ITPR3: variants seen among roughly 807,000 people sequenced by gnomAD.
ITPR3 encodes inositol 1,4,5-trisphosphate receptor type 3, also known as inositol 1,4,5-trisphosphate-gated calcium channel ITPR3.
Under a neutral mutation model 293.2 loss-of-function variants are expected in ITPR3, and 173 were observed. The observed-to-expected ratio is 0.59, with a 90% CI of 0.52 to 0.67. ITPR3 has a LOEUF of 0.67. ITPR3 is among the 30% of genes least tolerant of loss of function. The pLI, the probability that ITPR3 is intolerant of heterozygous loss-of-function variation, is 0.00. For missense variants in ITPR3, 2,796 were observed against 3,592.1 expected (o/e 0.78, Z 5.66); for synonymous variants, 1,295 against 1,444.4 (o/e 0.90, Z 2.35).
At position 33,623,321 on chromosome 6, in the gene ITPR3, G is replaced by GTTTTTTTTTTTTTTTTTTTTTTTTTT. The variant is rs150420581; in HGVS notation, c.89+1634_89+1635insTTTTTTTTTTTTTTTTTTTTTTTTTT. Among the ~76,000 whole-genome samples, 4 of 118,266 alleles carry GTTTTTTTTTTTTTTTTTTTTTTTTTT rather than the reference G, an allele frequency of 3.4e-5. 2 individuals carry two copies. Among genetic ancestry groups the GTTTTTTTTTTTTTTTTTTTTTTTTTT allele is most frequent in the African/African-American group, 6.4e-5 (2 of 31,166 alleles). The allele number at this position is 118,266 out of a possible 152,430, so 77.6% of individuals were successfully genotyped here. On this transcript the variant is annotated intron_variant, in intron 1 of 57. Transcript: ENST00000605930. ...CATGATGATTTTCAAGTGCCTGTGA[G>GTTTTTTTTTTTTTTTTTTTTTTTTTT]TTTTGTTTTTTTTTTTTTTTTTTAA...
rs972463442 is a variant in ITPR3 at position 33,687,489 on chromosome 6, C to T, written c.6189C>T (p.His2063=). The T allele has an allele frequency of 9.3e-6, 15 of 1,607,428 alleles. No homozygotes were observed. The highest frequency in any genetic ancestry group is 3.3e-5 in the Admixed American group (2 of 59,724). The change falls in exon 46 of 58, where the codon CAC becomes CAT. Residue 2063 remains histidine, a synonymous_variant. Transcript: ENST00000605930. The surrounding 1 kb of genome is among the most constrained non-coding windows in gnomAD (Gnocchi z 5.3). ...IYILALQLSR[H]NKQLQHLLKP... Reference sequence around the variant, plus strand: ...GCCATTTCCCTCAGCTCTCCAGGCACAATAAACAGCTGCAGCACCTGCTGA... The same window carrying T: ...GCCATTTCCCTCAGCTCTCCAGGCATAATAAACAGCTGCAGCACCTGCTGA...
chr6:33,687,120 T>C lies in ITPR3; in HGVS notation c.6075+16T>C, dbSNP rs942642. Reference sequence around the variant, plus strand: ...CCAGGAGCTGGTGAGGCTGGGCAGGTGGGCAGGCGGGCGGAACCAGGTGGA... The same window carrying C: ...CCAGGAGCTGGTGAGGCTGGGCAGGCGGGCAGGCGGGCGGAACCAGGTGGA... On this transcript the variant is annotated intron_variant, in intron 44 of 57. Transcript: ENST00000605930. This position sits in a 1 kb window ranked among gnomAD's most constrained non-coding sequence, Gnocchi z 5.3. 1,128,093 of 1,612,050 alleles carry C rather than the reference T, an allele frequency of 0.7. 399,412 individuals carry two copies. Among genetic ancestry groups the C allele is most frequent in the East Asian group, 0.95 (42,604 of 44,866 alleles).
intron 7 of ITPR3, 107 bp downstream of exon 7, chr6:33,659,656 C>G (rs370913520): frequency 1.1e-6 from 1 of 911,300 alleles, no homozygotes; most frequent in Non-Finnish European, 1.8e-6. Context: ...TTACCCTCTC[C>G]CCAGCTTTGC....
intron 1 of ITPR3, among the ~76,000 whole-genome samples, chr6:33,635,865 C>T (rs1392553807): frequency 6.6e-6 from 1 of 151,588 alleles, no homozygotes; most frequent in Non-Finnish European, 1.5e-5. Flanking sequence ...GGAGGAGATG[C>T]GATCAGAGAT....
In ITPR3 at chr6:33,679,835, G is replaced by A. The variant is rs765047825; in HGVS notation, c.3973-47G>A. On this transcript the variant is annotated intron_variant, in intron 30 of 57. Coordinates refer to ENST00000605930, the MANE Select transcript of ITPR3 (RefSeq NM_002224.4). The surrounding 1 kb of genome is among the most constrained non-coding windows in gnomAD (Gnocchi z 4.2). ...TAAGCAACGGAGAGGAGAGCCCAGG[G>A]CTTGCTGGACCGAGAGAGTGTGACA... 1.5e-5 allele frequency: 23 copies of A among 1,576,636 alleles called. No homozygotes were observed. Among genetic ancestry groups the A allele is most frequent in the Non-Finnish European group, 2.0e-5 (23 of 1,158,038 alleles).
At position 33,655,649 on chromosome 6, in the gene ITPR3, G is replaced by A. The variant is rs147568121; in HGVS notation, c.161-117G>A. 153 of 1,352,624 alleles carry A rather than the reference G, an allele frequency of 1.1e-4. No individual in the cohort carries two copies. Among genetic ancestry groups the A allele is most frequent in the African/African-American group, 9.8e-4 (68 of 69,492 alleles). 83.8% of individuals were successfully genotyped at this position (1,352,624 alleles called of 1,614,324 possible). On this transcript the variant is annotated intron_variant, in intron 2 of 57. Transcript: ENST00000605930. This position sits in a 1 kb window ranked among gnomAD's most constrained non-coding sequence, Gnocchi z 4.9. The stretch of plus-strand genomic sequence containing the variant: ...CAACCGCTTCCTCTCTACCTGCAGC[G>A]GGGAACGGGGGTGGGGAAGGGTTGG...
chr6:33,691,881 C>T lies in ITPR3; in HGVS notation c.7411C>T (p.Arg2471Cys), dbSNP rs751686443. The change falls in exon 54 of 58, where the codon CGC becomes TGC. Residue 2471 changes from arginine to cysteine, a missense_variant. By Grantham distance (180) the Arg-to-Cys change is radical (BLOSUM62 -3). Coordinates refer to ENST00000605930, the MANE Select transcript of ITPR3 (RefSeq NM_002224.4). This position sits in a 1 kb window ranked among gnomAD's most constrained non-coding sequence, Gnocchi z 4.9. ...CIVTVMNHGL[R>C]NGGGVGDILR... Reference sequence around the variant, plus strand: ...CGTCACTGTCATGAACCATGGGCTACGCAACGGTGGTGGCGTGGGCGACAT... The same window carrying T: ...CGTCACTGTCATGAACCATGGGCTATGCAACGGTGGTGGCGTGGGCGACAT... 6.2e-6 allele frequency: 10 copies of T among 1,614,108 alleles called. No individual in the cohort carries two copies. The highest frequency in any genetic ancestry group is 2.2e-5 in the East Asian group (1 of 44,882).
At chr6:33,680,800 T>A in intron 33 of ITPR3, 120 bp downstream of exon 33, 1 of 1,147,850 alleles carries the variant, frequency 8.7e-7, no homozygotes, top group Non-Finnish European at 1.2e-6. Flanking sequence ...AACAAAAGGA[T>A]ACATAAGTGT....
In ITPR3 at chr6:33,640,998, AC is replaced by A. The variant is rs1763937942; in HGVS notation, c.160+447del. On this transcript the variant is annotated intron_variant, in intron 2 of 57. Transcript: ENST00000605930. ...CCCCATGGTTTCCAGAACTCTTCTG[AC>A]CCTGGCTGTGTCCTCAGCCCCCTCC... 2.6e-5 allele frequency among the ~76,000 whole-genome samples: 4 copies of A among 152,120 alleles called. No homozygotes were observed. The South Asian group carries it at 8.3e-4, about 32-fold the overall frequency.
intron 23 of ITPR3, among the ~76,000 whole-genome samples, chr6:33,673,988 C>T (rs1406782304): frequency 6.6e-6 from 1 of 152,350 alleles, no homozygotes; most frequent in East Asian, 1.9e-4. Flanking sequence ...GGGATCTGGT[C>T]TCCTGACTCC....
At chr6:33,650,443 A>G (rs2127249908) in intron 2 of ITPR3, among the ~76,000 whole-genome samples, 1 of 152,334 alleles carries the variant, frequency 6.6e-6, no homozygotes, top group South Asian at 2.1e-4. Flanking sequence ...CAGGAGGAGC[A>G]GGGAGGGCTC....
intron 1 of ITPR3, among the ~76,000 whole-genome samples, chr6:33,631,216 TAATA>T (rs1319854136): frequency 6.6e-6 from 1 of 152,190 alleles, no homozygotes; most frequent in East Asian, 1.9e-4. Context: ...TGAGAGATTG[TAATA>T]AATAAAAGCA....
In ITPR3 at chr6:33,685,485, G is replaced by A. The variant is rs780191202; in HGVS notation, c.5434G>A (p.Gly1812Ser). 2 of 1,613,560 alleles carry A rather than the reference G, an allele frequency of 1.2e-6. No homozygotes were observed. Among genetic ancestry groups the A allele is most frequent in the Admixed American group, 1.7e-5 (1 of 59,944 alleles). ...GGTGGCAGTCAACATGAATGACCTG[G>A]GCAGCCAGCCACATGAGGACCGCGA... is the stretch of plus-strand genomic sequence containing the variant. ...STVAVNMNDL[G>S]SQPHEDREPV... The change falls in exon 40 of 58, where the codon GGC (glycine) becomes AGC (serine). Residue 1812 changes from glycine to serine, a missense_variant. Gly to Ser is a moderately conservative substitution (Grantham distance 56). Coordinates refer to ENST00000605930, the MANE Select transcript of ITPR3 (RefSeq NM_002224.4).
rs200710180 is a variant in ITPR3 at position 33,663,821 on chromosome 6, C to T, written c.1089C>T (p.Ile363=). Residue 363 remains isoleucine (I), a synonymous_variant, in exon 11 of 58, where the codon ATC becomes ATT. Coordinates refer to ENST00000605930, the MANE Select transcript of ITPR3 (RefSeq NM_002224.4). ...TGGCTGTGCCTCATGGCAATGACATCGCCTCTCTCTTTGAGCTGGACCCCA... is the reference window on the plus strand; with the variant it reads ...TGGCTGTGCCTCATGGCAATGACATTGCCTCTCTCTTTGAGCTGGACCCCA... ...CLVAVPHGND[I]ASLFELDPTT... is the part of the protein sequence containing the mutation. The T allele has an allele frequency of 1.2e-4, 198 of 1,614,118 alleles. No individual in the cohort carries two copies. In the East Asian group the frequency reaches 4.2e-3, roughly 34 times the overall value.
At chr6:33,680,862 C>T (rs1765056463) in intron 33 of ITPR3, among the ~76,000 whole-genome samples, 182 bp downstream of exon 33, 1 of 150,040 alleles carries the variant, frequency 6.7e-6, no homozygotes, top group African/African-American at 2.5e-5. Context: ...ACTCTGTCGC[C>T]CAGGCTGGAG....
At chr6:33,668,939 C>T (rs1303213274) in intron 17 of ITPR3, 35 bp from the exon 18 acceptor site, 1 of 1,605,236 alleles carries the variant, frequency 6.2e-7, no homozygotes, top group East Asian at 2.2e-5. Context: ...TGCCCTGGAC[C>T]TGGCTCCCTG....
intron 1 of ITPR3, among the ~76,000 whole-genome samples, chr6:33,637,600 C>A (rs146187357): frequency 0.025 from 3,806 of 152,116 alleles, 65 homozygotes; most frequent in Non-Finnish European, 0.032. Context: ...TCCTGAGTAG[C>A]TGGGGTTAGA....
At chr6:33,686,937 G>C (rs1309872004) in intron 43 of ITPR3, 72 bp from the exon 44 acceptor site, 16 of 1,184,736 alleles carry the variant, frequency 1.4e-5, no homozygotes, top group Non-Finnish European at 2.0e-5. Context: ...TTATGGAGAG[G>C]AATGAGGGAG....
chr6:33,682,701 G>T lies in ITPR3; in HGVS notation c.4597+57G>T, dbSNP rs544597251. On this transcript the variant is annotated intron_variant, in intron 34 of 57. Coordinates refer to ENST00000605930, the MANE Select transcript of ITPR3 (RefSeq NM_002224.4). The surrounding 1 kb of genome is among the most constrained non-coding windows in gnomAD (Gnocchi z 5.4). ...ACCACTCCTCCTGCCGCTCACAGTG[G>T]GGACGCCTGCCCTCCTAATAAACAC... 6.5e-7 allele frequency: 1 copy of T among 1,549,566 alleles called. No homozygotes were observed. Among genetic ancestry groups the T allele is most frequent in the African/African-American group, 1.4e-5 (1 of 70,642 alleles).
Sources: gnomAD v4.1 joint callset for allele counts (sites outside exome capture counted in the v4.1 genomes callset) on GRCh38, gnomAD v4.1.1 for gene constraint, Gnocchi (gnomAD v3.1) non-coding constraint, MANE v1.5 for transcripts, NCBI Gene and HGNC (gene_info 2026-07-23, HGNC 2026-07-21) for gene names.